The following PLA2G4E variants were observed in gnomAD, a reference collection of about 807,000 sequenced individuals.
PLA2G4E encodes the protein phospholipase A2 group IVE.
Under a neutral mutation model 109.1 loss-of-function variants are expected in PLA2G4E, and 84 were observed. The observed-to-expected ratio is 0.77, with a 90% CI of 0.65 to 0.92. The LOEUF (loss-of-function observed/expected upper bound fraction) is 0.92. Among genes scored for constraint, PLA2G4E ranks in the 40% least tolerant of loss-of-function variants. The pLI is 0.00. For missense variants in PLA2G4E, 1,057 were observed against 1,076.6 expected (o/e 0.98, Z 0.25); for synonymous variants, 469 against 436.1 (o/e 1.08, Z -0.94).
In PLA2G4E at chr15:42,020,927, T is replaced by C. The variant is rs1296177764; in HGVS notation, c.184-7170A>G. On this transcript the variant is annotated intron_variant, in intron 1 of 19. Coordinates refer to ENST00000399518, the Ensembl canonical transcript of PLA2G4E. ...TCTGGCCCCAGCCACTGAGCACCCC[T>C]CCCTCACCTTCAAGGCACAGGTGGC... is the stretch of plus-strand genomic sequence containing the variant. Among the ~76,000 whole-genome samples, 3 of 151,656 alleles carry C rather than the reference T, an allele frequency of 2.0e-5. No individual in the cohort carries two copies. The highest frequency in any genetic ancestry group is 4.4e-5 in the Non-Finnish European group (3 of 67,888).
Position 41,992,575 on chromosome 15 carries a change from C to T in PLA2G4E, c.1470+162G>A, listed in dbSNP as rs935488777. Among the ~76,000 whole-genome samples the T allele has an allele frequency of 5.9e-5, 9 of 152,218 alleles. No homozygotes were observed. The South Asian group carries it at 8.3e-4, about 14-fold the overall frequency. ...GGGAGACAATCCCACCACCTTCCTC[C>T]GTCATAGAGTCCGACACCTTATCGG... On this transcript the variant is annotated intron_variant, in intron 13 of 19. Coordinates refer to ENST00000399518, the Ensembl canonical transcript of PLA2G4E.
chr15:41,989,390 AT>A (rs2068202224), intron 15 of PLA2G4E, 24 bp downstream of exon 15: 1 of 1,613,404 alleles, frequency 6.2e-7, no homozygotes, highest in African/African-American at 1.3e-5. Context: ...GCCCCCTGTC[AT>A]TCCGCCAGTT....
chr15:41,983,456 C>G (rs1299576204), exon 20 of PLA2G4E: 6 of 358,804 alleles, frequency 1.7e-5, no homozygotes, highest in Non-Finnish European at 3.0e-5. Flanking sequence ...CAGCCTCTTC[C>G]CCAGGCTTTT....
At chr15:41,983,958 A>T in exon 20 of PLA2G4E, 1 of 1,608,904 alleles carries the variant, frequency 6.2e-7, no homozygotes, top group African/African-American at 1.3e-5. Context: ...CCAGCTCCTC[A>T]GGGCTTCGCT....
At chr15:41,985,270 T>C (rs1713226335) in intron 18 of PLA2G4E, among the ~76,000 whole-genome samples, 1 of 152,230 alleles carries the variant, frequency 6.6e-6, no homozygotes, top group Admixed American at 6.5e-5. Context: ...TTAGATTGTT[T>C]TCATTGTTGC....
intron 2 of PLA2G4E, 135 bp from the exon 3 acceptor site, chr15:42,008,000 C>CTTT (rs1886315896): frequency 9.9e-7 from 1 of 1,013,896 alleles, no homozygotes; most frequent in Non-Finnish European, 1.4e-6. Flanking sequence ...ATGGGTCTAA[C>CTTT]TTTCCAGAGA....
intron 7 of PLA2G4E, among the ~76,000 whole-genome samples, chr15:42,000,886 C>A (rs1311038569): frequency 1.3e-5 from 2 of 152,174 alleles, no homozygotes; most frequent in African/African-American, 4.8e-5. Context: ...ACAGCACAGA[C>A]AAGCGTGGAT....
intron 1 of PLA2G4E, among the ~76,000 whole-genome samples, chr15:42,049,677 G>A (rs1185779012): frequency 1.3e-5 from 2 of 152,188 alleles, no homozygotes; most frequent in Non-Finnish European, 2.9e-5. Context: ...GGGTCCATAG[G>A]AGGTGAGGGG....
intron 1 of PLA2G4E, among the ~76,000 whole-genome samples, chr15:42,029,971 T>C (rs986562414): frequency 1.3e-5 from 2 of 152,036 alleles, no homozygotes; most frequent in Admixed American, 1.3e-4. Flanking sequence ...GAGGTAAAAA[T>C]AAGCTGCTCA....
At chr15:42,017,978 A>G (rs1239802113) in intron 1 of PLA2G4E, among the ~76,000 whole-genome samples, 1 of 152,180 alleles carries the variant, frequency 6.6e-6, no homozygotes, top group East Asian at 1.9e-4. Context: ...TTCAGGAGAC[A>G]ACCACATTTT....
chr15:42,050,343 GGGA>G (rs1889485689), intron 1 of PLA2G4E, among the ~76,000 whole-genome samples: 1 of 152,222 alleles, frequency 6.6e-6, no homozygotes, highest in Non-Finnish European at 1.5e-5. Flanking sequence ...TGAGCACAGA[GGGA>G]GGTAAGGACA....
At position 42,008,695 on chromosome 15, in the gene PLA2G4E, G is replaced by A. The variant is rs145939097; in HGVS notation, c.257-830C>T. ...AAATAGTAGCCCAGACTGGCTCCCT[G>A]CTCTAGTCTACCTGGGAGGAGGGAG... On this transcript the variant is annotated intron_variant, in intron 2 of 19. Transcript: ENST00000399518. 2.2e-3 allele frequency among the ~76,000 whole-genome samples: 330 copies of A among 152,276 alleles called. 7 individuals are homozygous for A. In the East Asian group the frequency reaches 0.058, roughly 27 times the overall value.
At chr15:42,046,715 G>A (rs1889422527) in intron 1 of PLA2G4E, among the ~76,000 whole-genome samples, 1 of 152,168 alleles carries the variant, frequency 6.6e-6, no homozygotes, top group Admixed American at 6.5e-5. Context: ...AACAATACTA[G>A]GTGCATAGTG....
chr15:42,010,044 G>A (rs769957839), intron 2 of PLA2G4E: 1 of 464,966 alleles, frequency 2.2e-6, no homozygotes, highest in Non-Finnish European at 4.4e-6. Context: ...TCAGAGGTCA[G>A]TGTGTCTCAT....
At chr15:41,994,238 A>T (rs1255501778) in intron 12 of PLA2G4E, among the ~76,000 whole-genome samples, 1 of 152,122 alleles carries the variant, frequency 6.6e-6, no homozygotes, top group Non-Finnish European at 1.5e-5. Context: ...GGAAGCAGTG[A>T]CTCCAGTGCT....
At chr15:42,049,864 A>G (rs1889478071) in intron 1 of PLA2G4E, among the ~76,000 whole-genome samples, 1 of 152,242 alleles carries the variant, frequency 6.6e-6, no homozygotes, top group African/African-American at 2.4e-5. Flanking sequence ...GCCCGCCCAG[A>G]GGAGAAACTG....
intron 12 of PLA2G4E, among the ~76,000 whole-genome samples, chr15:41,995,005 T>C (rs917621152): frequency 8.5e-5 from 13 of 152,216 alleles, no homozygotes; most frequent in African/African-American, 3.1e-4. Context: ...GCCCGTTGCA[T>C]GTCCCCAGCA....
intron 12 of PLA2G4E, among the ~76,000 whole-genome samples, chr15:41,993,630 T>C (rs929308712): frequency 3.9e-5 from 6 of 152,194 alleles, no homozygotes. Context: ...CTGCCTCTTC[T>C]TGGCCTGGAT....
At position 42,010,240 on chromosome 15, in the gene PLA2G4E, G is replaced by A. The variant is rs562685399; in HGVS notation, c.257-2375C>T. 8 of 460,646 alleles carry A rather than the reference G, an allele frequency of 1.7e-5. No homozygotes were observed. The East Asian group carries it at 4.5e-4, about 26-fold the overall frequency. 28.5% of individuals were successfully genotyped at this position (460,646 alleles called of 1,614,324 possible). A position where few individuals can be genotyped will look rare whatever the true frequency, so the allele number is the denominator to read the frequency against. The stretch of plus-strand genomic sequence containing the variant: ...ACCTACTGGTTCTGTAATGCACTTG[G>A]CGCGCATGATTTGATGGACCCTGTA... On this transcript the variant is annotated intron_variant, in intron 2 of 19. Transcript: ENST00000399518.
Sources: allele counts gnomAD v4.1 joint callset (sites outside exome capture counted in the v4.1 genomes callset), GRCh38; gene constraint gnomAD v4.1.1; transcripts MANE v1.5; gene names NCBI Gene and HGNC (gene_info 2026-07-23, HGNC 2026-07-21).